The following SPATA18 variants were observed in gnomAD, a reference collection of about 807,000 sequenced individuals.
SPATA18 encodes spermatogenesis associated 18, also known as mitochondria-eating protein.
A neutral mutation model predicts 68.1 loss-of-function variants in SPATA18; 54 were observed. The ratio of observed to expected loss-of-function variants is 0.79; its 90% CI spans 0.64 to 0.99. The LOEUF (loss-of-function observed/expected upper bound fraction) is 0.99, where lower values mean the gene tolerates loss of function less well. Among genes scored for constraint, SPATA18 ranks in the 50% least tolerant of loss-of-function variants. The pLI is 0.00. For synonymous variants in SPATA18, 242 were observed against 244.8 expected (o/e 0.99, Z 0.11); for missense variants, 724 against 681.1 (o/e 1.06, Z -0.70).
Position 52,074,730 on chromosome 4 carries a change from T to A in SPATA18, c.759-2049T>A, listed in dbSNP as rs1740172944. Among the ~76,000 whole-genome samples the A allele has an allele frequency of 2.0e-5, 3 of 152,318 alleles. No homozygotes were observed. The South Asian group carries it at 6.2e-4, about 32-fold the overall frequency. Reference sequence around the variant, plus strand: ...TACCATTATAACAGGGTGTACATCCTAAAGTAACATTACAAATTAAAGAAG... The same window carrying A: ...TACCATTATAACAGGGTGTACATCCAAAAGTAACATTACAAATTAAAGAAG... On this transcript the variant is annotated intron_variant, in intron 6 of 12. Coordinates refer to ENST00000295213, the MANE Select transcript of SPATA18 (RefSeq NM_145263.4).
chr4:52,087,280 A>G (rs568506708), intron 11 of SPATA18, among the ~76,000 whole-genome samples: 3 of 152,004 alleles, frequency 2.0e-5, no homozygotes, highest in Non-Finnish European at 4.4e-5. Flanking sequence ...ATTAGATCCC[A>G]TTTGTCAATT....
chr4:52,056,980 C>T (rs916779423), intron 1 of SPATA18, among the ~76,000 whole-genome samples: 2 of 152,120 alleles, frequency 1.3e-5, no homozygotes, highest in Middle Eastern at 3.2e-3. Context: ...CGCTAATATG[C>T]CTTGGTGCCT....
At chr4:52,091,533 G>T (rs1363511028) in intron 11 of SPATA18, among the ~76,000 whole-genome samples, 1 of 152,176 alleles carries the variant, frequency 6.6e-6, no homozygotes. Context: ...AGGCCCCTCT[G>T]CTGTCAGCCT....
chr4:52,090,773 CTCT>C (rs1741870629), intron 11 of SPATA18, among the ~76,000 whole-genome samples: 1 of 152,102 alleles, frequency 6.6e-6, no homozygotes, highest in South Asian at 2.1e-4. Context: ...CTTGGGGTTG[CTCT>C]TCTTGAAGAG....
intron 4 of SPATA18, among the ~76,000 whole-genome samples, chr4:52,064,183 C>CTATATATA (rs71193057): frequency 0.017 from 2,540 of 145,968 alleles, 30 homozygotes; most frequent in Middle Eastern, 0.029. Context: ...CCTTCTCTTT[C>CTATATATA]TATATATATA....
In SPATA18 at chr4:52,085,012, C is replaced by T. The variant is rs374010462; in HGVS notation, c.1563+13C>T. 1.4e-5 allele frequency: 22 copies of T among 1,584,856 alleles called. No homozygotes were observed. Among genetic ancestry groups the T allele is most frequent in the Non-Finnish European group, 1.8e-5 (21 of 1,162,332 alleles). On this transcript the variant is annotated intron_variant, in intron 11 of 12. Transcript: ENST00000295213. ...TGGTTTAAACACGGTACATATCTAT[C>T]TAATCATTTTTACACAAAATTCATC... is the stretch of plus-strand genomic sequence containing the variant.
intron 6 of SPATA18, among the ~76,000 whole-genome samples, chr4:52,074,893 T>G (rs887686988): frequency 6.6e-6 from 1 of 152,122 alleles, no homozygotes; most frequent in African/African-American, 2.4e-5. Flanking sequence ...CAGCCGCAAT[T>G]AGATTTACCC....
chr4:52,095,260 GA>G lies in SPATA18; in HGVS notation c.*377del, dbSNP rs1742331764. 1 of 229,832 alleles carries G rather than the reference GA, an allele frequency of 4.4e-6. No homozygotes were observed. Among genetic ancestry groups the G allele is most frequent in the African/African-American group, 2.3e-5 (1 of 43,980 alleles). The allele number at this position is 229,832 out of a possible 1,614,324, so 14.2% of individuals were successfully genotyped here. On this transcript the variant is annotated 3_prime_UTR_variant, in exon 13 of 13. Transcript: ENST00000295213. Reference sequence around the variant, plus strand: ...AGCATCTACCATGCTGAGGCTAAAAGAAAAGATGAATCATTTTAGTTTGCAG... The same window carrying G: ...AGCATCTACCATGCTGAGGCTAAAAGAAAGATGAATCATTTTAGTTTGCAG...
At position 52,078,727 on chromosome 4, in the gene SPATA18, A is replaced by T. The variant is rs905399330; in HGVS notation, c.1021-8A>T. 1 of 1,529,924 alleles carries T rather than the reference A, an allele frequency of 6.5e-7. No homozygotes were observed. The highest frequency in any genetic ancestry group is 8.9e-7 in the Non-Finnish European group (1 of 1,122,928). 94.8% of individuals were successfully genotyped at this position (1,529,924 alleles called of 1,614,324 possible). ...CACCAAATAAATTTGCTGCATTTTTATGTGCAGGAGGCATTCCATGTAGCA... is the reference window on the plus strand; with the variant it reads ...CACCAAATAAATTTGCTGCATTTTTTTGTGCAGGAGGCATTCCATGTAGCA... On this transcript the variant is annotated splice_region_variant and splice_polypyrimidine_tract_variant and intron_variant, in intron 7 of 12. Coordinates refer to ENST00000295213, the MANE Select transcript of SPATA18 (RefSeq NM_145263.4).
chr4:52,079,192 G>A (rs1740686971), intron 8 of SPATA18, among the ~76,000 whole-genome samples: 1 of 152,180 alleles, frequency 6.6e-6, no homozygotes. Context: ...TTTGCTTCCT[G>A]ACTCTGACAC....
chr4:52,062,691 GT>G (rs1738978310), intron 4 of SPATA18, among the ~76,000 whole-genome samples: 1 of 151,908 alleles, frequency 6.6e-6, no homozygotes, highest in Admixed American at 6.6e-5. Flanking sequence ...TTAAAAAGAT[GT>G]GAAAGGGAAA....
chr4:52,051,596 C>T lies in SPATA18; in HGVS notation c.-109C>T, dbSNP rs977534867. The T allele has an allele frequency of 1.1e-5, 12 of 1,055,904 alleles. No individual in the cohort carries two copies. Among genetic ancestry groups the T allele is most frequent in the South Asian group, 3.9e-5 (3 of 76,802 alleles). 65.4% of individuals were successfully genotyped at this position (1,055,904 alleles called of 1,614,324 possible). On this transcript the variant is annotated 5_prime_UTR_variant, in exon 1 of 13. Transcript: ENST00000295213. ...AACACCTGCCGCGCTCTGAGCCCCCCAGAAGAGAACACCCTTCCCGCCATA... is the reference window on the plus strand; with the variant it reads ...AACACCTGCCGCGCTCTGAGCCCCCTAGAAGAGAACACCCTTCCCGCCATA...
intron 8 of SPATA18, among the ~76,000 whole-genome samples, chr4:52,079,353 G>A (rs1190487652): frequency 6.6e-6 from 1 of 152,138 alleles, no homozygotes; most frequent in Non-Finnish European, 1.5e-5. Context: ...ACAAGACATG[G>A]CACATAGTTA....
chr4:52,083,097 A>G, intron 10 of SPATA18: 2 of 838,120 alleles, frequency 2.4e-6, no homozygotes, highest in East Asian at 2.8e-4. Context: ...AGCCTTTAAA[A>G]AAAAGGAGTC....
chr4:52,053,044 A>G (rs1738035023), intron 1 of SPATA18, among the ~76,000 whole-genome samples: 1 of 152,240 alleles, frequency 6.6e-6, no homozygotes, highest in South Asian at 2.1e-4. Flanking sequence ...AGTACCTACT[A>G]CTTAGTCTCA....
At chr4:52,071,829 C>A in intron 5 of SPATA18, 88 bp from the exon 6 acceptor site, 1 of 1,316,884 alleles carries the variant, frequency 7.6e-7, no homozygotes. Context: ...TTAAGCATGC[C>A]AATTGCTGCT....
intron 11 of SPATA18, among the ~76,000 whole-genome samples, chr4:52,093,128 C>T (rs956970580): frequency 6.6e-6 from 1 of 151,954 alleles, no homozygotes; most frequent in Non-Finnish European, 1.5e-5. Context: ...CAGATGTACC[C>T]CTAAACTTAA....
intron 4 of SPATA18, among the ~76,000 whole-genome samples, chr4:52,064,222 T>C (rs979543125): frequency 6.6e-6 from 1 of 151,148 alleles, no homozygotes; most frequent in Non-Finnish European, 1.5e-5. Context: ...ACCAACCATT[T>C]GGAAGTTGCA....
chr4:52,052,032 G>T (rs1364995145), intron 1 of SPATA18, among the ~76,000 whole-genome samples: 1 of 152,210 alleles, frequency 6.6e-6, no homozygotes, highest in South Asian at 2.1e-4. Flanking sequence ...GCAGCACTAG[G>T]CTGCGGAGAC....
Sources: gnomAD v4.1 joint callset for allele counts (sites outside exome capture counted in the v4.1 genomes callset) on GRCh38, gnomAD v4.1.1 for gene constraint, MANE v1.5 for transcripts, NCBI Gene and HGNC (gene_info 2026-07-23, HGNC 2026-07-21) for gene names.